The following NCF2 variants were observed in gnomAD, a reference collection of about 807,000 sequenced individuals.
The protein encoded by NCF2 is neutrophil cytosolic factor 2, also known as neutrophil cytosol factor 2.
NCF2 carries 45 observed loss-of-function variants against 70.9 expected under a neutral mutation model. The observed-to-expected ratio is 0.63, with a 90% confidence interval of 0.50 to 0.81. NCF2 has a LOEUF of 0.81. Ranked by LOEUF, NCF2 falls within the 40% of genes least tolerant of loss-of-function variation. The probability of loss-of-function intolerance (pLI) is 0.00; values close to 1 mark genes in which losing one functional copy is unlikely to be tolerated. For synonymous variants in NCF2, 203 were observed against 233.6 expected (o/e 0.87, Z 1.19); for missense variants, 522 against 631.6 (o/e 0.83, Z 1.86).
intron 2 of NCF2, among the ~76,000 whole-genome samples, chr1:183,584,490 C>A (rs777472215): frequency 3.3e-5 from 5 of 152,200 alleles, no homozygotes; most frequent in Non-Finnish European, 5.9e-5. Flanking sequence ...AATCCTGGGT[C>A]TTACTTTTAG....
At chr1:183,600,589 G>T in the NCF2 span, among the ~76,000 whole-genome samples, 1 of 152,080 alleles carries the variant, frequency 6.6e-6, no homozygotes, top group African/African-American at 2.4e-5. Context: ...AGAAGACATT[G>T]TCTAGAAAGT....
intron 3 of NCF2, among the ~76,000 whole-genome samples, chr1:183,574,824 G>A (rs374311583): frequency 6.6e-6 from 1 of 152,286 alleles, no homozygotes; most frequent in South Asian, 2.1e-4. Context: ...AAAACACCAT[G>A]GAATGCGTAA....
intron 1 of NCF2, 110 bp downstream of exon 1, chr1:183,590,046 C>CT: frequency 6.5e-7 from 1 of 1,542,320 alleles, no homozygotes; most frequent in Non-Finnish European, 8.9e-7. Context: ...GCTTGGGCAA[C>CT]TTTTGTTCTT....
rs1673576220 is a variant in NCF2 at position 183,590,203 on chromosome 1, T to C, written c.127A>G (p.Ile43Val). Reference sequence around the variant, plus strand: ...TTCAGGATAGTGTACATGCAGCCAATGTTGAAGCAAATCCGGGAGTGGGGG... The same window carrying C: ...TTCAGGATAGTGTACATGCAGCCAACGTTGAAGCAAATCCGGGAGTGGGGG... ...QDPHSRICFN[I>V]GCMYTILKNM... The change falls in exon 1 of 15, where the codon ATT becomes GTT. Residue 43 changes from isoleucine to valine, a missense_variant. Physicochemically the swap from Ile to Val is conservative, Grantham distance 29. Coordinates refer to ENST00000367535, the MANE Select transcript of NCF2 (RefSeq NM_000433.4). 1 of 1,614,138 alleles carries C rather than the reference T, an allele frequency of 6.2e-7. No individual in the cohort carries two copies.
At chr1:183,595,149 G>A (rs1167983853), upstream of NCF2, among the ~76,000 whole-genome samples, 2 of 152,206 alleles carry the variant, frequency 1.3e-5, no homozygotes, top group Non-Finnish European at 2.9e-5. Flanking sequence ...GTAGGGAAAA[G>A]AACGCACTTT....
chr1:183,585,118 G>C (rs1050653534), intron 2 of NCF2, among the ~76,000 whole-genome samples: 4 of 152,118 alleles, frequency 2.6e-5, no homozygotes, highest in African/African-American at 9.7e-5. Context: ...TGAGCATCTT[G>C]TGGTTGCCCT....
At chr1:183,574,379 T>C in intron 4 of NCF2, 108 bp downstream of exon 4, 1 of 1,494,646 alleles carries the variant, frequency 6.7e-7, no homozygotes, top group Non-Finnish European at 9.3e-7. Flanking sequence ...TTACCCAGAC[T>C]CACAGAAAGT....
At chr1:183,573,762 C>T (rs949870316) in intron 4 of NCF2, among the ~76,000 whole-genome samples, 2 of 152,202 alleles carry the variant, frequency 1.3e-5, no homozygotes, top group Non-Finnish European at 2.9e-5. Context: ...TATGCTTGAA[C>T]GATAAATAGT....
chr1:183,599,484 C>CTT, the NCF2 span, among the ~76,000 whole-genome samples: 5 of 40,646 alleles, frequency 1.2e-4, no homozygotes, highest in Non-Finnish European at 2.6e-4. Flanking sequence ...CTTTCTTTCT[C>CTT]TTTTCTTTCT....
At position 183,555,713 on chromosome 1, in the gene NCF2, T is replaced by TAAGA. The variant is rs1403294918; in HGVS notation, c.*401_*404dup. 5.3e-6 allele frequency: 1 copy of TAAGA among 189,164 alleles called. No individual in the cohort carries two copies. Among genetic ancestry groups the TAAGA allele is most frequent in the Non-Finnish European group, 1.1e-5 (1 of 89,280 alleles). 11.7% of individuals were successfully genotyped at this position (189,164 alleles called of 1,614,324 possible). ...CCTGGACTTGGGTGTCTTGTTTTTG[T>TAAGA]AAGATGCTAGGTTTTTTTTTATTGT... On this transcript the variant is annotated 3_prime_UTR_variant, in exon 15 of 15. Coordinates refer to ENST00000367535, the MANE Select transcript of NCF2 (RefSeq NM_000433.4).
rs532135800 is a variant in NCF2, at chr1:183,556,002, A to G, written c.*116T>C. ...TAGGTTAAATTTTAACAGGGAATAAATAGTTAACACTTCCAAACTGTAATG... is the reference window on the plus strand; with the variant it reads ...TAGGTTAAATTTTAACAGGGAATAAGTAGTTAACACTTCCAAACTGTAATG... On this transcript the variant is annotated 3_prime_UTR_variant, in exon 15 of 15. Coordinates refer to ENST00000367535, the MANE Select transcript of NCF2 (RefSeq NM_000433.4). 2 of 884,720 alleles carry G rather than the reference A, an allele frequency of 2.3e-6. No homozygotes were observed. Among genetic ancestry groups the G allele is most frequent in the East Asian group, 5.1e-5 (2 of 39,498 alleles). The allele number at this position is 884,720 out of a possible 1,614,324, so 54.8% of individuals were successfully genotyped here. A position where few individuals can be genotyped will look rare whatever the true frequency, so the allele number is the denominator to read the frequency against.
At chr1:183,581,296 A>G (rs1347135590) in intron 2 of NCF2, among the ~76,000 whole-genome samples, 4 of 130,866 alleles carry the variant, frequency 3.1e-5, no homozygotes, top group Non-Finnish European at 4.7e-5. Flanking sequence ...AAAAAAAAAA[A>G]AGAAAGAAAG....
At chr1:183,557,007 ATGTT>A (rs1215113077) in intron 14 of NCF2, among the ~76,000 whole-genome samples, 1 of 152,190 alleles carries the variant, frequency 6.6e-6, no homozygotes, top group African/African-American at 2.4e-5. Flanking sequence ...GGGTTAGTAC[ATGTT>A]TGTTAAATAT....
chr1:183,593,719 G>T (rs1673726952), upstream of NCF2, among the ~76,000 whole-genome samples: 1 of 152,172 alleles, frequency 6.6e-6, no homozygotes, highest in Non-Finnish European at 1.5e-5. Flanking sequence ...CTGTGACATT[G>T]TTTCTGTCCC....
At chr1:183,584,936 C>T (rs1243288038) in intron 2 of NCF2, among the ~76,000 whole-genome samples, 1 of 152,102 alleles carries the variant, frequency 6.6e-6, no homozygotes, top group African/African-American at 2.4e-5. Context: ...ATAAATATGT[C>T]ACACTAAATA....
Position 183,556,116 on chromosome 1 carries a change from T to A in NCF2, c.*2A>T, listed in dbSNP as rs200240164. 2 of 1,612,928 alleles carry A rather than the reference T, an allele frequency of 1.2e-6. No individual in the cohort carries two copies. The highest frequency in any genetic ancestry group is 4.5e-5 in the East Asian group (2 of 44,886). On this transcript the variant is annotated 3_prime_UTR_variant, in exon 15 of 15. Transcript: ENST00000367535. Reference sequence around the variant, plus strand: ...CTTCAGCTTTGTAGTTTGTGAAACATCCTAGACTTCTCTCCGAGTGCTTTC... The same window carrying A: ...CTTCAGCTTTGTAGTTTGTGAAACAACCTAGACTTCTCTCCGAGTGCTTTC...
At chr1:183,556,692 G>A (rs1038193639) in intron 14 of NCF2, among the ~76,000 whole-genome samples, 1 of 152,026 alleles carries the variant, frequency 6.6e-6, no homozygotes, top group Non-Finnish European at 1.5e-5. Context: ...CACCACGCTT[G>A]GTTAATTTTT....
chr1:183,589,062 C>A (rs1673514172), intron 1 of NCF2, among the ~76,000 whole-genome samples: 1 of 152,200 alleles, frequency 6.6e-6, no homozygotes, highest in South Asian at 2.1e-4. Flanking sequence ...GGTGGGGGGT[C>A]CTGCCATGCT....
chr1:183,590,513 T>C (rs1673596800), upstream of NCF2: 2 of 699,194 alleles, frequency 2.9e-6, no homozygotes, highest in African/African-American at 1.8e-5. Context: ...CATCAGGAAA[T>C]GTCCCCACCT....
Sources: gnomAD v4.1 joint callset for allele counts (sites outside exome capture counted in the v4.1 genomes callset) on GRCh38, gnomAD v4.1.1 for gene constraint, MANE v1.5 for transcripts, NCBI Gene and HGNC (gene_info 2026-07-23, HGNC 2026-07-21) for gene names.